The following PLEKHA8 variants were observed in gnomAD, a reference collection of about 807,000 sequenced individuals.
The protein encoded by PLEKHA8 is pleckstrin homology domain-containing family A member 8.
In PLEKHA8, 36 loss-of-function variants were observed where a neutral mutation model predicts 68.2. That is an observed-to-expected ratio of 0.53 (90% CI 0.40 to 0.70). The LOEUF (loss-of-function observed/expected upper bound fraction) is 0.70. Ranked by LOEUF, PLEKHA8 falls within the 30% of genes least tolerant of loss-of-function variation. The pLI is 0.00. For synonymous variants in PLEKHA8, 211 were observed against 216.1 expected, an observed-to-expected ratio of 0.98 and a Z score of 0.20; for missense variants, 505 against 615.4, an observed-to-expected ratio of 0.82 and a Z score of 1.90.
In PLEKHA8 at chr7:30,081,179, T is replaced by G; in HGVS notation, c.*2392T>G. ...TATCTGAGATCATTGAGAACCCAGA[T>G]CAGACAGAATAGCTTGAATAAGTTA... On this transcript the variant is annotated 3_prime_UTR_variant, in exon 14 of 14. Transcript: ENST00000449726. The G allele has an allele frequency of 1.0e-6, 1 of 985,398 alleles. No individual in the cohort carries two copies. The highest frequency in any genetic ancestry group is 1.2e-6 in the Non-Finnish European group (1 of 829,906). 61.0% of individuals were successfully genotyped at this position (985,398 alleles called of 1,614,324 possible). A position where few individuals can be genotyped will look rare whatever the true frequency, so the allele number is the denominator to read the frequency against.
intron 13 of PLEKHA8, among the ~76,000 whole-genome samples, chr7:30,095,793 A>G (rs1434141387): frequency 1.3e-5 from 2 of 152,152 alleles, no homozygotes; most frequent in African/African-American, 4.8e-5. Flanking sequence ...TCGTTTCCCC[A>G]TTTCTTGTTT....
In PLEKHA8 at chr7:30,037,771, A is replaced by G. The variant is rs75156172; in HGVS notation, c.41-7314A>G. Among the ~76,000 whole-genome samples, 42 of 151,948 alleles carry G rather than the reference A, an allele frequency of 2.8e-4. 1 individual carries two copies. The East Asian group carries it at 8.1e-3, about 29-fold the overall frequency. On this transcript the variant is annotated intron_variant, in intron 1 of 13. Coordinates refer to ENST00000449726, the MANE Select transcript of PLEKHA8 (RefSeq NM_001197026.2). ...TTTTTTTTTTCTGCATTTCTACACA[A>G]CAGTAGTTCTTATGGATTTTTTTTC...
chr7:30,073,957 G>A lies in PLEKHA8; in HGVS notation c.1301-114G>A, dbSNP rs1794434615. On this transcript the variant is annotated intron_variant, in intron 12 of 13. Coordinates refer to ENST00000449726, the MANE Select transcript of PLEKHA8 (RefSeq NM_001197026.2). ...ACTATTATCACACCACTGTACTCTA[G>A]CCTAGGTGACAGAGCAAGACCCTGT... 5.2e-6 allele frequency: 4 copies of A among 776,286 alleles called. No homozygotes were observed. In the South Asian group the frequency reaches 5.7e-5, roughly 11 times the overall value. The allele number at this position is 776,286 out of a possible 1,614,324, so 48.1% of individuals were successfully genotyped here.
In PLEKHA8 at chr7:30,084,303, A is replaced by G; in HGVS notation, c.*5516A>G. The G allele has an allele frequency of 4.1e-6, 4 of 985,352 alleles. No individual in the cohort carries two copies. The highest frequency in any genetic ancestry group is 4.8e-6 in the Non-Finnish European group (4 of 829,870). The allele number at this position is 985,352 out of a possible 1,614,324, so 61.0% of individuals were successfully genotyped here. ...TGGTTTCATAGATTTATGCACTTTGAATATCTGTCACGTGCAGTGTTAATG... is the reference window on the plus strand; with the variant it reads ...TGGTTTCATAGATTTATGCACTTTGGATATCTGTCACGTGCAGTGTTAATG... On this transcript the variant is annotated 3_prime_UTR_variant, in exon 14 of 14. Coordinates refer to ENST00000449726, the MANE Select transcript of PLEKHA8 (RefSeq NM_001197026.2).
Position 30,076,424 on chromosome 7 carries a change from T to C in PLEKHA8, c.1363-2166T>C, listed in dbSNP as rs151055820. Among the ~76,000 whole-genome samples the C allele has an allele frequency of 1.4e-3, 209 of 152,326 alleles. 3 individuals carry two copies. Among genetic ancestry groups the C allele is most frequent in the African/African-American group, 4.9e-3 (202 of 41,568 alleles). ...TTCTTATTTCTTCAAAATAAATTCCTAGTAGAACTGCTATGTCGAATACTA... is the reference window on the plus strand; with the variant it reads ...TTCTTATTTCTTCAAAATAAATTCCCAGTAGAACTGCTATGTCGAATACTA... On this transcript the variant is annotated intron_variant, in intron 13 of 13. Transcript: ENST00000449726.
At chr7:30,071,334 C>T (rs1794223617) in intron 12 of PLEKHA8, among the ~76,000 whole-genome samples, 1 of 152,146 alleles carries the variant, frequency 6.6e-6, no homozygotes, top group African/African-American at 2.4e-5. Flanking sequence ...TCACCATCGC[C>T]CAGCATGCCA....
Position 30,028,646 on chromosome 7 carries a change from C to A in PLEKHA8, c.-117C>A. Reference sequence around the variant, plus strand: ...GGCGTCCCCACACCGGGCCCGGGCGCCGGGAGTGGGCGTCTGGGCAGCGCC... The same window carrying A: ...GGCGTCCCCACACCGGGCCCGGGCGACGGGAGTGGGCGTCTGGGCAGCGCC... On this transcript the variant is annotated 5_prime_UTR_variant, in exon 1 of 14. Transcript: ENST00000449726. The A allele has an allele frequency of 1.2e-6, 1 of 811,830 alleles. No homozygotes were observed. Among genetic ancestry groups the A allele is most frequent in the Non-Finnish European group, 1.7e-6 (1 of 603,508 alleles). 50.3% of individuals were successfully genotyped at this position (811,830 alleles called of 1,614,324 possible). A position where few individuals can be genotyped will look rare whatever the true frequency, so the allele number is the denominator to read the frequency against.
At position 30,043,151 on chromosome 7, in the gene PLEKHA8, C is replaced by T. The variant is rs1445232353; in HGVS notation, c.41-1934C>T. 2.0e-5 allele frequency among the ~76,000 whole-genome samples: 3 copies of T among 152,154 alleles called. No individual in the cohort carries two copies. The East Asian group carries it at 5.8e-4, about 29-fold the overall frequency. On this transcript the variant is annotated intron_variant, in intron 1 of 13. Transcript: ENST00000449726. ...TGCTGGGACCACAGGTGTATGCCAC[C>T]ACTGTCGGCTAATTTTTGTATTTTT...
At position 30,049,382 on chromosome 7, in the gene PLEKHA8, G is replaced by T; in HGVS notation, c.597G>T (p.Lys199Asn). 1 of 1,613,132 alleles carries T rather than the reference G, an allele frequency of 6.2e-7. No homozygotes were observed. Among genetic ancestry groups the T allele is most frequent in the Non-Finnish European group, 8.5e-7 (1 of 1,179,422 alleles). Residue 199 changes from lysine (K) to asparagine (N), a missense_variant and splice_region_variant, in exon 5 of 14, where the codon AAG (lysine) becomes AAT (asparagine). By Grantham distance (94) the Lys-to-Asn change is moderately conservative. Transcript: ENST00000449726. ...SPQLAMLKSS[K>N]MKHPIIPIHN... ...AGCTGGCCATGCTCAAGTCCAGCAA[G>T]GTAAAAGTCCAGCTCAGTTTGGCTG...
intron 13 of PLEKHA8, among the ~76,000 whole-genome samples, chr7:30,101,841 G>T (rs1795864398): frequency 6.6e-6 from 1 of 152,156 alleles, no homozygotes; most frequent in South Asian, 2.1e-4. Flanking sequence ...TTCTCAAATA[G>T]ATCTCAAGGT....
rs768019131 is a variant in PLEKHA8, at chr7:30,045,084, G to A, written c.41-1G>A. The stretch of plus-strand genomic sequence containing the variant: ...AATGATGCTCTTGCTTTTGTTTTCA[G>A]GTTGGCAGCCTCGATGGTTCCTTCT... On this transcript the variant is annotated splice_acceptor_variant, in intron 1 of 13. Transcript: ENST00000449726. LOFTEE classifies it high-confidence loss of function. 6.3e-7 allele frequency: 1 copy of A among 1,594,178 alleles called. No individual in the cohort carries two copies. The highest frequency in any genetic ancestry group is 8.5e-7 in the Non-Finnish European group (1 of 1,171,076).
rs1426088494 is a variant in PLEKHA8 at position 30,083,012 on chromosome 7, C to G, written c.*4225C>G. 3.0e-6 allele frequency: 3 copies of G among 984,756 alleles called. No homozygotes were observed. The African/African-American group carries it at 5.2e-5, about 17-fold the overall frequency. 61.0% of individuals were successfully genotyped at this position (984,756 alleles called of 1,614,324 possible). On this transcript the variant is annotated 3_prime_UTR_variant, in exon 14 of 14. Coordinates refer to ENST00000449726, the MANE Select transcript of PLEKHA8 (RefSeq NM_001197026.2). ...AGGTTTTACAAGTATTCAGCTCTCC[C>G]TCATGTTTCATTTCTTTTTTTAAGA... is the stretch of plus-strand genomic sequence containing the variant.
chr7:30,124,149 A>C (rs1420239744), intron 13 of PLEKHA8, among the ~76,000 whole-genome samples: 1 of 152,204 alleles, frequency 6.6e-6, no homozygotes, highest in Non-Finnish European at 1.5e-5. Flanking sequence ...TTTTTCCTAA[A>C]GCAGTAGATG....
chr7:30,049,111 C>A, intron 4 of PLEKHA8, 113 bp from the exon 5 acceptor site: 1 of 1,238,262 alleles, frequency 8.1e-7, no homozygotes, highest in Non-Finnish European at 1.2e-6. Context: ...GTACATATTT[C>A]AGCAGGTGGG....
At chr7:30,078,001 G>A (rs1256939519) in intron 13 of PLEKHA8, among the ~76,000 whole-genome samples, 1 of 152,162 alleles carries the variant, frequency 6.6e-6, no homozygotes, top group Non-Finnish European at 1.5e-5. Context: ...GATATAAACT[G>A]TACAGGGTTC....
In PLEKHA8 at chr7:30,047,887, C is replaced by T; in HGVS notation, c.369C>T (p.Tyr123=). ...LKTKMSELRL[Y]CDLLVQQVDK... is the part of the protein sequence containing the mutation. ...CCAAAATGTCAGAACTAAGACTCTA[C>T]TGTGACCTCCTTGTTCAGCAAGTAG... Residue 123 remains tyrosine, a synonymous_variant, in exon 4 of 14, where the codon TAC becomes TAT. Transcript: ENST00000449726. The T allele has an allele frequency of 1.2e-6, 2 of 1,608,674 alleles. No individual in the cohort carries two copies. The highest frequency in any genetic ancestry group is 1.1e-5 in the South Asian group (1 of 90,830).
At chr7:30,108,633 A>G (rs759935616) in intron 13 of PLEKHA8, among the ~76,000 whole-genome samples, 31 of 150,396 alleles carry the variant, frequency 2.1e-4, no homozygotes, top group African/African-American at 3.2e-4. Flanking sequence ...CAGTTTGTCT[A>G]TGTTTTCAGT....
chr7:30,062,972 G>A (rs970167912), intron 12 of PLEKHA8, among the ~76,000 whole-genome samples: 2 of 152,124 alleles, frequency 1.3e-5, no homozygotes, highest in Non-Finnish European at 2.9e-5. Flanking sequence ...TTTTAAAGAC[G>A]TGCTGAATAA....
exon 13 of PLEKHA8, chr7:30,090,275 T>A: frequency 7.1e-7 from 1 of 1,416,052 alleles, no homozygotes; most frequent in South Asian, 1.3e-5. Flanking sequence ...GACCTCAAAC[T>A]TCCTTTCCAC....
Sources: allele counts gnomAD v4.1 joint callset (sites outside exome capture counted in the v4.1 genomes callset), GRCh38; gene constraint gnomAD v4.1.1; transcripts MANE v1.5; gene names NCBI Gene and HGNC (gene_info 2026-07-23, HGNC 2026-07-21).